Variants in ZNF629 observed in about 807,000 individuals in gnomAD.
ZNF629 encodes the protein zinc finger protein 629.
In ZNF629, 9 loss-of-function variants were observed where a neutral mutation model predicts 59.7. The ratio of observed to expected loss-of-function variants is 0.15; its 90% CI spans 0.09 to 0.26. ZNF629 has a LOEUF of 0.26. Ranked by LOEUF, ZNF629 falls within the 10% of genes least tolerant of loss-of-function variation. ZNF629 has a pLI of 1.00. For synonymous variants in ZNF629, 509 were observed against 498.9 expected, an observed-to-expected ratio of 1.02 and a Z score of -0.27; for missense variants, 853 against 1,165.4, an observed-to-expected ratio of 0.73 and a Z score of 3.90.
At chr16:30,785,825 G>A (rs1349455696) in intron 1 of ZNF629, among the ~76,000 whole-genome samples, 1 of 150,650 alleles carries the variant, frequency 6.6e-6, no homozygotes. Context: ...GGGGATGGCA[G>A]CAAAGGAGCA....
In ZNF629 at chr16:30,783,169, C is replaced by T; in HGVS notation, c.1159G>A (p.Ala387Thr). Residue 387 changes from alanine (A) to threonine (T), a missense_variant, in exon 3 of 3, where the codon GCC (alanine) becomes ACC (threonine). Physicochemically the swap from Ala to Thr is moderately conservative, Grantham distance 58. This residue lies in a region of ZNF629 where 201 missense variants were observed against 536.5 expected (regional missense o/e 0.37). Transcript: ENST00000262525. ...PVCGKTFTLS[A>T]TLLRHQRTHT... ...GTGCGCTGGTGCCGCAGCAACGTGG[C>T]GCTCAGGGTGAAGGTCTTGCCGCAC... 6.2e-7 allele frequency: 1 copy of T among 1,601,736 alleles called. No individual in the cohort carries two copies. The highest frequency in any genetic ancestry group is 1.1e-5 in the South Asian group (1 of 90,176).
chr16:30,786,520 T>C lies in ZNF629; in HGVS notation c.-34+508A>G, dbSNP rs1292278780. On this transcript the variant is annotated intron_variant, in intron 1 of 2. Transcript: ENST00000262525. This position sits in a 1 kb window ranked among gnomAD's most constrained non-coding sequence, Gnocchi z 4.8. ...GCCTGAGACCTCGCGATGGCCCCAC[T>C]GCAGAGGGAGGGAATGAGGAGCCGC... 6.6e-6 allele frequency among the ~76,000 whole-genome samples: 1 copy of C among 151,968 alleles called. No individual in the cohort carries two copies. Among genetic ancestry groups the C allele is most frequent in the Non-Finnish European group, 1.5e-5 (1 of 67,928 alleles).
At position 30,782,459 on chromosome 16, in the gene ZNF629, C is replaced by T; in HGVS notation, c.1869G>A (p.Gly623=). 2 of 1,567,856 alleles carry T rather than the reference C, an allele frequency of 1.3e-6. No homozygotes were observed. The highest frequency in any genetic ancestry group is 1.4e-5 in the African/African-American group (1 of 73,968). ...CCTCCGCAGCCCCGGGGTAGGAATTCCCTCTGAAAGGGAGCCTTGGGGATC... is the reference window on the plus strand; with the variant it reads ...CCTCCGCAGCCCCGGGGTAGGAATTTCCTCTGAAAGGGAGCCTTGGGGATC... ...QLRSPRLPFR[G]NSYPGAAEGR... is the part of the protein sequence containing the mutation. Residue 623 remains glycine, a synonymous_variant, in exon 3 of 3, where the codon GGG becomes GGA. Transcript: ENST00000262525.
rs1483992787 is a variant in ZNF629, at chr16:30,784,184, G to C, written c.144C>G (p.Asp48Glu). The C allele has an allele frequency of 1.9e-6, 3 of 1,609,430 alleles. No homozygotes were observed. The highest frequency in any genetic ancestry group is 2.7e-5 in the African/African-American group (2 of 74,842). ...CCTTGGATTCTGGACTCTGAGCCGG[G>C]TCTCCCATGATGATCTCCTCCCCAG... ...ESSGEEIIMG[D>E]PAQSPESKDS... The change falls in exon 3 of 3, where the codon GAC becomes GAG. Residue 48 changes from aspartate to glutamate, a missense_variant. This residue lies in a region of ZNF629 where 232 missense variants were observed against 193.4 expected (regional missense o/e 1.20). Transcript: ENST00000262525.
chr16:30,779,532 G>C lies in ZNF629; in HGVS notation c.*2186C>G. The C allele has an allele frequency of 6.6e-6, 1 of 152,162 alleles. No homozygotes were observed. Among genetic ancestry groups the C allele is most frequent in the Non-Finnish European group, 1.5e-5 (1 of 68,064 alleles). The allele number at this position is 152,162 out of a possible 1,614,324, so 9.4% of individuals were successfully genotyped here. A position where few individuals can be genotyped will look rare whatever the true frequency, so the allele number is the denominator to read the frequency against. ...GTAGTGCTTCCCTTCCTGGCACTTG[G>C]ATAGGCTGGGGCGTTATGCAGATGG... On this transcript the variant is annotated 3_prime_UTR_variant, in exon 3 of 3. Transcript: ENST00000262525.
In ZNF629 at chr16:30,783,314, G is replaced by A. The variant is rs762815089; in HGVS notation, c.1014C>T (p.Arg338=). ...CGTAGGGCTTCTCGCCTGTGTGCGT[G>A]CGCTGGTGCTGGGTCAGCTCCGAGC... ...IQSSELTQHQ[R]THTGEKPYEC... Residue 338 remains arginine, a synonymous_variant, in exon 3 of 3, where the codon CGC becomes CGT. Coordinates refer to ENST00000262525, the MANE Select transcript of ZNF629 (RefSeq NM_001080417.3). The A allele has an allele frequency of 6.2e-7, 1 of 1,614,058 alleles. No homozygotes were observed. The highest frequency in any genetic ancestry group is 1.7e-5 in the Admixed American group (1 of 60,016).
At chr16:30,784,552 C>A in intron 1 of ZNF629, 37 bp from the exon 2 acceptor site, 1 of 1,448,712 alleles carries the variant, frequency 6.9e-7, no homozygotes, top group Non-Finnish European at 9.2e-7. Flanking sequence ...ACACTGGGAG[C>A]TGATTTTGCA....
Position 30,782,198 on chromosome 16 carries a change from A to T in ZNF629, c.2130T>A (p.Ser710Arg). The T allele has an allele frequency of 6.2e-7, 1 of 1,613,646 alleles. No homozygotes were observed. The highest frequency in any genetic ancestry group is 8.5e-7 in the Non-Finnish European group (1 of 1,179,868). Residue 710 changes from serine to arginine, a missense_variant, in exon 3 of 3, where the codon AGT (serine) becomes AGA (arginine). Ser to Arg is a moderately radical substitution (Grantham distance 110). Coordinates refer to ENST00000262525, the MANE Select transcript of ZNF629 (RefSeq NM_001080417.3). ...GEGAGPSPFL[S>R]GKPFKCPECK... is the part of the protein sequence containing the mutation. ...ATTCAGGGCATTTAAAGGGCTTCCC[A>T]CTTAAGAAGGGGCTGGGCCCTGCGC...
At position 30,784,210 on chromosome 16, in the gene ZNF629, A is replaced by G; in HGVS notation, c.118T>C (p.Ser40Pro). The change falls in exon 3 of 3, where the codon TCT (serine) becomes CCT (proline). Residue 40 changes from serine to proline, a missense_variant. Coordinates refer to ENST00000262525, the MANE Select transcript of ZNF629 (RefSeq NM_001080417.3). ...NEEESPRQES[S>P]GEEIIMGDPA... ...TCTCCCATGATGATCTCCTCCCCAG[A>G]ACTTTCCTGCCGAGGGCTCTCCTCT... is the stretch of plus-strand genomic sequence containing the variant. 1 of 1,608,102 alleles carries G rather than the reference A, an allele frequency of 6.2e-7. No individual in the cohort carries two copies. The highest frequency in any genetic ancestry group is 8.5e-7 in the Non-Finnish European group (1 of 1,178,742).
At position 30,783,389 on chromosome 16, in the gene ZNF629, C is replaced by T. The variant is rs2054301786; in HGVS notation, c.939G>A (p.Ala313=). ...HNLLKHQKIH[A]GEKPYRCTEC... is the part of the protein sequence containing the mutation. ...CGGTGCAGCGGTATGGCTTCTCGCC[C>T]GCGTGGATCTTCTGGTGCTTGAGGA... is the stretch of plus-strand genomic sequence containing the variant. Residue 313 remains alanine (A), a synonymous_variant, in exon 3 of 3, where the codon GCG becomes GCA. Transcript: ENST00000262525. 1.2e-6 allele frequency: 2 copies of T among 1,611,470 alleles called. No homozygotes were observed.
In ZNF629 at chr16:30,778,716, T is replaced by A. The variant is rs1293863099; in HGVS notation, c.*3002A>T. On this transcript the variant is annotated 3_prime_UTR_variant, in exon 3 of 3. Coordinates refer to ENST00000262525, the MANE Select transcript of ZNF629 (RefSeq NM_001080417.3). ...TCATGCCCAGTTCCAAGTTCCCATC[T>A]GACCTCCATGTCCATAGCAGTTTCA... 6.6e-6 allele frequency: 1 copy of A among 152,612 alleles called. No individual in the cohort carries two copies. Among genetic ancestry groups the A allele is most frequent in the East Asian group, 1.9e-4 (1 of 5,192 alleles). The allele number at this position is 152,612 out of a possible 1,614,324, so 9.5% of individuals were successfully genotyped here.
Position 30,783,631 on chromosome 16 carries a change from G to T in ZNF629, c.697C>A (p.Pro233Thr). The T allele has an allele frequency of 6.2e-7, 1 of 1,613,932 alleles. No individual in the cohort carries two copies. Among genetic ancestry groups the T allele is most frequent in the Non-Finnish European group, 8.5e-7 (1 of 1,179,924 alleles). Residue 233 changes from proline to threonine, a missense_variant, in exon 3 of 3, where the codon CCC becomes ACC. Pro to Thr is a conservative substitution (Grantham distance 38). Coordinates refer to ENST00000262525, the MANE Select transcript of ZNF629 (RefSeq NM_001080417.3). ...TTCTCGCACTCCGTGCACTTGTAGG[G>T]CTTCTCTCCCGTGTGCGTGCGCTGG... ...QHQRTHTGEK[P>T]YKCTECEKAF...
Position 30,784,021 on chromosome 16 carries a change from G to A in ZNF629, c.307C>T (p.Pro103Ser). ...DPPAPEVVPT[P>S]SDWTKACEAS... ...TCGCAGGCCTTGGTCCAGTCAGATGGGGTAGGGACTACCTCCGGGGCTGGG... is the reference window on the plus strand; with the variant it reads ...TCGCAGGCCTTGGTCCAGTCAGATGAGGTAGGGACTACCTCCGGGGCTGGG... Residue 103 changes from proline to serine, a missense_variant, in exon 3 of 3, where the codon CCA (proline) becomes TCA (serine). Physicochemically the swap from Pro to Ser is moderately conservative, Grantham distance 74. Around this residue, in one of 3 missense-constraint regions of ZNF629, gnomAD observed 232 missense variants for 193.4 expected, o/e 1.20. Coordinates refer to ENST00000262525, the MANE Select transcript of ZNF629 (RefSeq NM_001080417.3). 1 of 1,576,340 alleles carries A rather than the reference G, an allele frequency of 6.3e-7. No individual in the cohort carries two copies. Among genetic ancestry groups the A allele is most frequent in the Non-Finnish European group, 8.6e-7 (1 of 1,162,180 alleles).
At position 30,784,048 on chromosome 16, in the gene ZNF629, G is replaced by C; in HGVS notation, c.280C>G (p.Pro94Ala). The C allele has an allele frequency of 6.3e-7, 1 of 1,584,634 alleles. No individual in the cohort carries two copies. The highest frequency in any genetic ancestry group is 1.1e-5 in the South Asian group (1 of 87,532). The change falls in exon 3 of 3, where the codon CCC (proline) becomes GCC (alanine). Residue 94 changes from proline (P) to alanine (A), a missense_variant. Coordinates refer to ENST00000262525, the MANE Select transcript of ZNF629 (RefSeq NM_001080417.3). ...NPLDHQIPLD[P>A]PAPEVVPTPS... ...GTAGGGACTACCTCCGGGGCTGGGG[G>C]GTCCAGGGGGATCTGGTGGTCCAAG...
At position 30,781,867 on chromosome 16, in the gene ZNF629, G is replaced by A; in HGVS notation, c.2461C>T (p.Pro821Ser). ...TCCCCATGGCTGCTGCTCTCTGTGGGGGTAGGGGTCTCGCCCTCACCTTCC... is the reference window on the plus strand; with the variant it reads ...TCCCCATGGCTGCTGCTCTCTGTGGAGGTAGGGGTCTCGCCCTCACCTTCC... ...DQEGEGETPT[P>S]TESSSHGEGQ... is the part of the protein sequence containing the mutation. The change falls in exon 3 of 3, where the codon CCC (proline) becomes TCC (serine). Residue 821 changes from proline to serine, a missense_variant. Coordinates refer to ENST00000262525, the MANE Select transcript of ZNF629 (RefSeq NM_001080417.3). 6.3e-7 allele frequency: 1 copy of A among 1,577,408 alleles called. No homozygotes were observed. Among genetic ancestry groups the A allele is most frequent in the Non-Finnish European group, 8.6e-7 (1 of 1,159,128 alleles).
At chr16:30,785,759 G>A (rs186335759) in intron 1 of ZNF629, among the ~76,000 whole-genome samples, 1 of 152,144 alleles carries the variant, frequency 6.6e-6, no homozygotes, top group Non-Finnish European at 1.5e-5. Context: ...TGAGTGAGAT[G>A]TCCCTAGCCC....
At position 30,783,554 on chromosome 16, in the gene ZNF629, G is replaced by C. The variant is rs771025744; in HGVS notation, c.774C>G (p.Gly258=). Residue 258 remains glycine (G), a synonymous_variant, in exon 3 of 3, where the codon GGC becomes GGG. Coordinates refer to ENST00000262525, the MANE Select transcript of ZNF629 (RefSeq NM_001080417.3). ...NLIKHQRSHT[G]EKPYKCGECR... ...ACTCGCCGCACTTGTAGGGCTTCTC[G>C]CCGGTGTGGGATCGCTGGTGCTTGA... 1.2e-6 allele frequency: 2 copies of C among 1,613,960 alleles called. No homozygotes were observed.
chr16:30,785,479 C>T (rs904030950), intron 1 of ZNF629, among the ~76,000 whole-genome samples: 3 of 152,152 alleles, frequency 2.0e-5, no homozygotes, highest in African/African-American at 7.2e-5. Flanking sequence ...ATGAGGACAG[C>T]TCATGGGGAG....
Position 30,783,860 on chromosome 16 carries a change from G to A in ZNF629, c.468C>T (p.Gly156=). 1.2e-6 allele frequency: 2 copies of A among 1,610,414 alleles called. No homozygotes were observed. The highest frequency in any genetic ancestry group is 2.2e-5 in the South Asian group (2 of 90,804). Residue 156 remains glycine (G), a synonymous_variant, in exon 3 of 3, where the codon GGC becomes GGT. Coordinates refer to ENST00000262525, the MANE Select transcript of ZNF629 (RefSeq NM_001080417.3). ...AEKPYICNEC[G]KSFSQWSKLL... is the part of the protein sequence containing the mutation. The stretch of plus-strand genomic sequence containing the variant: ...GCTTGGACCACTGGCTGAAGCTCTT[G>A]CCGCACTCGTTGCAGATGTAGGGCT...
Sources: gnomAD v4.1 joint callset for allele counts (sites outside exome capture counted in the v4.1 genomes callset) on GRCh38, gnomAD v4.1.1 for gene constraint, gnomAD v4.1.1 regional missense constraint, Gnocchi (gnomAD v3.1) non-coding constraint, MANE v1.5 for transcripts, NCBI Gene and HGNC (gene_info 2026-07-23, HGNC 2026-07-21) for gene names.